The following ZWILCH variants were observed in gnomAD, a reference collection of about 807,000 sequenced individuals.
ZWILCH encodes protein zwilch homolog.
A neutral mutation model predicts 79.9 loss-of-function variants in ZWILCH; 74 were observed. The ratio of observed to expected loss-of-function variants is 0.93; its 90% CI spans 0.77 to 1.12. The LOEUF is 1.12. Ranked by LOEUF, ZWILCH falls within the 50% of genes most tolerant of loss-of-function variation. The pLI, the probability that ZWILCH is intolerant of heterozygous loss-of-function variation, is 0.00. For synonymous variants in ZWILCH, 241 were observed against 228.2 expected, an observed-to-expected ratio of 1.06 and a Z score of -0.51; for missense variants, 694 against 687.5, an observed-to-expected ratio of 1.01 and a Z score of -0.11.
chr15:66,524,637 G>A (rs1324324178), intron 8 of ZWILCH: 2 of 152,082 alleles, frequency 1.3e-5, no homozygotes, highest in Admixed American at 6.5e-5. Context: ...TTGTCAGTGT[G>A]TTTATAAAAC....
intron 4 of ZWILCH, among the ~76,000 whole-genome samples, chr15:66,515,854 C>G (rs532285034): frequency 2.0e-5 from 3 of 152,082 alleles, no homozygotes; most frequent in Non-Finnish European, 4.4e-5. Context: ...TCTTCCCTTT[C>G]TCTACACCTC....
At chr15:66,543,366 A>G (rs74634457) in intron 17 of ZWILCH, among the ~76,000 whole-genome samples, 31,420 of 152,210 alleles carry the variant, frequency 0.21, 3,854 homozygotes, top group Middle Eastern at 0.33. Flanking sequence ...GAAGGATACA[A>G]TCCAACTTTA....
chr15:66,505,595 T>A, intron 1 of ZWILCH: 1 of 596,422 alleles, frequency 1.7e-6, no homozygotes. Context: ...GGAGAAAACG[T>A]GTACGTCATC....
At chr15:66,521,437 T>G (rs1894490474) in intron 7 of ZWILCH, among the ~76,000 whole-genome samples, 1 of 152,162 alleles carries the variant, frequency 6.6e-6, no homozygotes, top group Non-Finnish European at 1.5e-5. Flanking sequence ...AACTTAAGAA[T>G]TTTCTAGTGA....
At chr15:66,520,079 A>C (rs1894438855) in intron 5 of ZWILCH, among the ~76,000 whole-genome samples, 1 of 151,474 alleles carries the variant, frequency 6.6e-6, no homozygotes, top group African/African-American at 2.4e-5. Flanking sequence ...AGTAGCTGGC[A>C]TTACAGGCAA....
rs778088311 is a variant in ZWILCH, at chr15:66,548,456, T to G, written c.*132T>G. Reference sequence around the variant, plus strand: ...GAAAAGGGAGGAAGATCCTGAAGATTCTCTTATGAAGCTCCAAAATTGATA... The same window carrying G: ...GAAAAGGGAGGAAGATCCTGAAGATGCTCTTATGAAGCTCCAAAATTGATA... On this transcript the variant is annotated 3_prime_UTR_variant, in exon 19 of 19. Coordinates refer to ENST00000307897, the MANE Select transcript of ZWILCH (RefSeq NM_017975.5). The G allele has an allele frequency of 2.5e-6, 3 of 1,183,634 alleles. No individual in the cohort carries two copies. In the Admixed American group the frequency reaches 5.3e-5, roughly 21 times the overall value. 73.3% of individuals were successfully genotyped at this position (1,183,634 alleles called of 1,614,324 possible). A position where few individuals can be genotyped will look rare whatever the true frequency, so the allele number is the denominator to read the frequency against.
intron 14 of ZWILCH, among the ~76,000 whole-genome samples, chr15:66,535,346 G>A (rs1472551799): frequency 6.6e-6 from 1 of 152,126 alleles, no homozygotes; most frequent in Non-Finnish European, 1.5e-5. Context: ...AGTCACTACT[G>A]GCGAGAGGGA....
intron 17 of ZWILCH, among the ~76,000 whole-genome samples, chr15:66,541,080 ACC>A (rs1483462084): frequency 1.3e-5 from 2 of 149,052 alleles, no homozygotes; most frequent in African/African-American, 4.9e-5. Context: ...GGAGTTAGAG[ACC>A]AGCCTGGGCA....
intron 4 of ZWILCH, among the ~76,000 whole-genome samples, chr15:66,517,432 A>G (rs200494259): frequency 0.1 from 2,077 of 20,834 alleles, 86 homozygotes; most frequent in South Asian, 0.22. Flanking sequence ...GTGTGTGTGT[A>G]TATATATATA....
chr15:66,529,428 G>T, intron 11 of ZWILCH, 66 bp from the exon 12 acceptor site: 1 of 1,087,166 alleles, frequency 9.2e-7, no homozygotes. Flanking sequence ...GTATCCTTAA[G>T]ATTAATGATA....
intron 2 of ZWILCH, among the ~76,000 whole-genome samples, chr15:66,513,374 TG>T (rs1414458683): frequency 6.6e-6 from 1 of 151,910 alleles, no homozygotes; most frequent in African/African-American, 2.4e-5. Context: ...GAGACCAGCC[TG>T]GGCAATATAG....
In ZWILCH at chr15:66,518,891, A is replaced by G. The variant is rs753318182; in HGVS notation, c.333A>G (p.Gly111=). 6.2e-7 allele frequency: 1 copy of G among 1,614,130 alleles called. No homozygotes were observed. Among genetic ancestry groups the G allele is most frequent in the Admixed American group, 1.7e-5 (1 of 60,014 alleles). ...LPVGKARQLI[G]LYTMAHNPNM... is the part of the protein sequence containing the mutation. ...TCTTGTTTTAAAGGCAGTTAATTGG[A>G]CTTTACACCATGGCTCACAATCCTA... The change falls in exon 5 of 19, where the codon GGA becomes GGG. Residue 111 remains glycine, a synonymous_variant. Coordinates refer to ENST00000307897, the MANE Select transcript of ZWILCH (RefSeq NM_017975.5).
chr15:66,542,393 G>T (rs1487057961), intron 17 of ZWILCH, among the ~76,000 whole-genome samples: 1 of 152,114 alleles, frequency 6.6e-6, no homozygotes, highest in African/African-American at 2.4e-5. Context: ...TGACCATCCT[G>T]GCTAACACAG....
chr15:66,545,078 T>C (rs1895327855), intron 17 of ZWILCH, among the ~76,000 whole-genome samples: 2 of 146,646 alleles, frequency 1.4e-5, no homozygotes, highest in Admixed American at 1.4e-4. Context: ...TTTGGCCAGT[T>C]GTGGTGGCTC....
intron 1 of ZWILCH, among the ~76,000 whole-genome samples, chr15:66,507,247 A>G (rs868548711): frequency 1.3e-5 from 2 of 152,186 alleles, no homozygotes; most frequent in African/African-American, 4.8e-5. Flanking sequence ...CCTCAGATCA[A>G]TACCTGCAAA....
rs898991561 is a variant in ZWILCH at position 66,537,291 on chromosome 15, C to T, written c.1574+28C>T. 3.3e-6 allele frequency: 5 copies of T among 1,515,824 alleles called. No homozygotes were observed. The East Asian group carries it at 9.0e-5, about 27-fold the overall frequency. The allele number at this position is 1,515,824 out of a possible 1,614,324, so 93.9% of individuals were successfully genotyped here. Reference sequence around the variant, plus strand: ...AAGCAATTTTTGCTAGGCATGGTGGCTCATGCCTGTAATCCTAGCACTATG... The same window carrying T: ...AAGCAATTTTTGCTAGGCATGGTGGTTCATGCCTGTAATCCTAGCACTATG... On this transcript the variant is annotated intron_variant, in intron 16 of 18. Transcript: ENST00000307897.
chr15:66,522,073 C>G (rs1274476812), intron 7 of ZWILCH, among the ~76,000 whole-genome samples: 1 of 151,928 alleles, frequency 6.6e-6, no homozygotes, highest in Non-Finnish European at 1.5e-5. Context: ...TGTTGTGTGC[C>G]TGTAGTCCCA....
At chr15:66,544,115 G>A (rs1211847367) in intron 17 of ZWILCH, among the ~76,000 whole-genome samples, 1 of 151,768 alleles carries the variant, frequency 6.6e-6, no homozygotes, top group African/African-American at 2.4e-5. Context: ...AAATTAGCCG[G>A]GCATGGTGGC....
intron 2 of ZWILCH, among the ~76,000 whole-genome samples, chr15:66,510,440 C>T (rs1029192666): frequency 6.7e-5 from 10 of 150,282 alleles, no homozygotes; most frequent in Admixed American, 1.3e-4. Flanking sequence ...GAAGAATAGG[C>T]AAAGGACACG....
Sources: allele counts gnomAD v4.1 joint callset (sites outside exome capture counted in the v4.1 genomes callset), GRCh38; gene constraint gnomAD v4.1.1; transcripts MANE v1.5; gene names NCBI Gene and HGNC (gene_info 2026-07-23, HGNC 2026-07-21).